The following STK32C variants were observed in gnomAD, a reference collection of about 807,000 sequenced individuals.
STK32C encodes the protein serine/threonine-protein kinase 32C.
A neutral mutation model predicts 56.5 loss-of-function variants in STK32C; 31 were observed. The ratio of observed to expected loss-of-function variants is 0.55; its 90% CI spans 0.41 to 0.74. The LOEUF (loss-of-function observed/expected upper bound fraction) is 0.74. STK32C is among the 30% of genes least tolerant of loss of function. The pLI, the probability that STK32C is intolerant of heterozygous loss-of-function variation, is 0.00. For missense variants in STK32C, 544 were observed against 676.9 expected (o/e 0.80, Z 2.18); for synonymous variants, 309 against 289.4 (o/e 1.07, Z -0.69).
intron 1 of STK32C, among the ~76,000 whole-genome samples, chr10:132,267,610 C>T (rs1590330435): frequency 7.2e-6 from 1 of 138,824 alleles, no homozygotes; most frequent in African/African-American, 2.8e-5. Context: ...CATGTGTATG[C>T]ATGTTCAGCT....
chr10:132,314,837 A>G (rs142114687), intron 1 of STK32C, among the ~76,000 whole-genome samples: 2,173 of 152,330 alleles, frequency 0.014, 41 homozygotes, highest in South Asian at 0.04. Flanking sequence ...ACATGCAGCC[A>G]TAAAAAAGAT....
In STK32C at chr10:132,224,393, G is replaced by C. The variant is rs2062800388; in HGVS notation, c.993+14C>G. On this transcript the variant is annotated intron_variant, in intron 8 of 11. Coordinates refer to ENST00000298630, the MANE Select transcript of STK32C (RefSeq NM_173575.4). ...GTGCTCGGAGGGTGAGGAGGCTCAG[G>C]GATGGGGGCTCACCTTCCGCAGCAA... 1.9e-6 allele frequency: 3 copies of C among 1,539,382 alleles called. No homozygotes were observed. In the African/African-American group the frequency reaches 4.1e-5, roughly 21 times the overall value.
chr10:132,227,315 G>A (rs1380997013), intron 3 of STK32C, among the ~76,000 whole-genome samples: 3 of 152,246 alleles, frequency 2.0e-5, no homozygotes, highest in East Asian at 1.9e-4. Flanking sequence ...CATTTGCCTC[G>A]GAGGGTTGTT....
chr10:132,210,848 G>A lies in STK32C; in HGVS notation c.1252-1747C>T, dbSNP rs112538902. On this transcript the variant is annotated intron_variant, in intron 10 of 11. Transcript: ENST00000298630. ...TCTCCTGGATCTGTGGTGGTGTGAG[G>A]GTTTCACCCTGGCAGCGGGAATGTG... is the stretch of plus-strand genomic sequence containing the variant. 4.8e-3 allele frequency among the ~76,000 whole-genome samples: 736 copies of A among 152,310 alleles called. 6 individuals are homozygous for A. The highest frequency in any genetic ancestry group is 0.017 in the African/African-American group (699 of 41,564).
At chr10:132,261,885 A>T (rs998352313) in intron 1 of STK32C, among the ~76,000 whole-genome samples, 3 of 152,252 alleles carry the variant, frequency 2.0e-5, no homozygotes, top group Admixed American at 1.3e-4. Context: ...TAATCTACTG[A>T]TTCAATGCTC....
intron 6 of STK32C, 34 bp from the exon 7 acceptor site, chr10:132,225,370 C>T (rs375197502): frequency 1.9e-5 from 31 of 1,594,596 alleles, no homozygotes; most frequent in Non-Finnish European, 2.3e-5. Context: ...ACAGCTGCCA[C>T]GGGGTCACAG....
chr10:132,301,276 C>T (rs982627753), intron 1 of STK32C, among the ~76,000 whole-genome samples: 2 of 152,094 alleles, frequency 1.3e-5, no homozygotes, highest in Non-Finnish European at 2.9e-5. Flanking sequence ...AAGGCCTGGT[C>T]CTCCACTAAT....
intron 1 of STK32C, among the ~76,000 whole-genome samples, chr10:132,266,748 G>A (rs1469663331): frequency 2.6e-5 from 4 of 151,870 alleles, no homozygotes; most frequent in Non-Finnish European, 5.9e-5. Flanking sequence ...TCCATGGGGT[G>A]GAAGGAGTGG....
chr10:132,272,861 C>A (rs905800274), intron 1 of STK32C, among the ~76,000 whole-genome samples: 1 of 152,194 alleles, frequency 6.6e-6, no homozygotes. Flanking sequence ...CAGCCCCAGA[C>A]CCCTCTGGCC....
chr10:132,225,252 T>C lies in STK32C; in HGVS notation c.857A>G (p.Tyr286Cys), dbSNP rs1448836733. The C allele has an allele frequency of 1.2e-6, 2 of 1,611,650 alleles. No individual in the cohort carries two copies. Among genetic ancestry groups the C allele is most frequent in the Non-Finnish European group, 8.5e-7 (1 of 1,179,206 alleles). Residue 286 changes from tyrosine to cysteine, a missense_variant, in exon 7 of 12, where the codon TAT becomes TGT. Transcript: ENST00000298630. ...CCATACCCATCCTCGCAGCAGCTCA[T>C]AGGCCATCACCCCCACCGACCACCA... ...VDWWSVGVMA[Y>C]ELLRGWRPYD...
chr10:132,280,817 G>A (rs1432740964), intron 1 of STK32C, among the ~76,000 whole-genome samples: 3 of 125,202 alleles, frequency 2.4e-5, no homozygotes, highest in South Asian at 5.3e-4. Context: ...CACCACCTGC[G>A]CTCCATGACC....
intron 2 of STK32C, among the ~76,000 whole-genome samples, chr10:132,234,624 A>G (rs941631465): frequency 6.6e-6 from 1 of 152,176 alleles, no homozygotes; most frequent in African/African-American, 2.4e-5. Context: ...CCTTCATGCC[A>G]GGGCTCTCCC....
At chr10:132,270,981 AG>A (rs965537010) in intron 1 of STK32C, among the ~76,000 whole-genome samples, 3 of 152,022 alleles carry the variant, frequency 2.0e-5, no homozygotes, top group African/African-American at 7.2e-5. Flanking sequence ...CACCAATCAG[AG>A]GGGGTGATCT....
intron 4 of STK32C, 118 bp downstream of exon 4, chr10:132,226,677 G>A: frequency 4.9e-6 from 6 of 1,227,938 alleles, no homozygotes; most frequent in Non-Finnish European, 6.8e-6. Context: ...GGCAAGGGTG[G>A]GGCAGAGGAG....
intron 1 of STK32C, among the ~76,000 whole-genome samples, chr10:132,253,334 G>A (rs1279243917): frequency 6.6e-6 from 1 of 152,164 alleles, no homozygotes; most frequent in Non-Finnish European, 1.5e-5. Context: ...AGCAGAGGGA[G>A]CTGGAGGGAG....
At chr10:132,311,368 G>A (rs1380914785), upstream of STK32C, among the ~76,000 whole-genome samples, 1 of 152,216 alleles carries the variant, frequency 6.6e-6, no homozygotes, top group African/African-American at 2.4e-5. The surrounding 1 kb of genome is among the most constrained non-coding windows in gnomAD (Gnocchi z 4.4). Flanking sequence ...CCACCTATGT[G>A]GAGAATCCAC....
intron 2 of STK32C, among the ~76,000 whole-genome samples, chr10:132,240,977 G>A (rs746380982): frequency 1.4e-4 from 22 of 152,320 alleles, no homozygotes; most frequent in African/African-American, 2.4e-4. Context: ...TCAAGCTGGC[G>A]TCCTGGTGCT....
chr10:132,268,000 TC>T (rs2064637375), intron 1 of STK32C, among the ~76,000 whole-genome samples: 1 of 117,418 alleles, frequency 8.5e-6, no homozygotes, highest in Non-Finnish European at 1.8e-5. Context: ...TGTGTGTGTG[TC>T]GGTGTGTGTG....
intron 11 of STK32C, among the ~76,000 whole-genome samples, chr10:132,208,720 G>A (rs1184580174): frequency 6.6e-6 from 1 of 152,126 alleles, no homozygotes. Flanking sequence ...GAGAGACTGA[G>A]GGCGTGCCTG....
Sources: gnomAD v4.1 joint callset for allele counts (sites outside exome capture counted in the v4.1 genomes callset) on GRCh38, gnomAD v4.1.1 for gene constraint, Gnocchi (gnomAD v3.1) non-coding constraint, MANE v1.5 for transcripts, NCBI Gene and HGNC (gene_info 2026-07-23, HGNC 2026-07-21) for gene names.